The following ABLIM1 variants were observed in gnomAD, a reference collection of about 807,000 sequenced individuals.
ABLIM1 encodes actin-binding LIM protein 1.
Under a neutral mutation model 107.0 loss-of-function variants are expected in ABLIM1, and 40 were observed. The ratio of observed to expected loss-of-function variants is 0.37; its 90% CI spans 0.29 to 0.49. The LOEUF (loss-of-function observed/expected upper bound fraction) is 0.49, where lower values mean the gene tolerates loss of function less well. Ranked by LOEUF, ABLIM1 falls within the 20% of genes least tolerant of loss-of-function variation. The probability of loss-of-function intolerance (pLI) is 0.97; values close to 1 mark genes in which losing one functional copy is unlikely to be tolerated. For synonymous variants in ABLIM1, 357 were observed against 357.3 expected, an observed-to-expected ratio of 1.00 and a Z score of 0.01; for missense variants, 857 against 1,008.5, an observed-to-expected ratio of 0.85 and a Z score of 2.04.
intron 1 of ABLIM1, among the ~76,000 whole-genome samples, chr10:114,673,467 TC>T (rs1398046335): frequency 6.6e-6 from 1 of 152,174 alleles, no homozygotes; most frequent in Non-Finnish European, 1.5e-5. Context: ...TCTGAAGCCT[TC>T]CTCCTCATTC....
At chr10:114,460,421 T>G (rs1329279461) in intron 12 of ABLIM1, among the ~76,000 whole-genome samples, 1 of 152,072 alleles carries the variant, frequency 6.6e-6, no homozygotes, top group Non-Finnish European at 1.5e-5. Context: ...GTCAACATGG[T>G]GAAACCCCGT....
At chr10:114,547,570 G>A in intron 5 of ABLIM1, 80 bp downstream of exon 5, 1 of 1,575,926 alleles carries the variant, frequency 6.3e-7, no homozygotes, top group Non-Finnish European at 8.6e-7. Context: ...ATGGGGTGGG[G>A]CCCCTGAGAC....
chr10:114,774,972 G>A, the ABLIM1 span, among the ~76,000 whole-genome samples: 1 of 152,108 alleles, frequency 6.6e-6, no homozygotes, highest in South Asian at 2.1e-4. Context: ...CTGCTATAAC[G>A]ATACTACCTG....
At chr10:114,586,678 T>C (rs2139436590) in intron 2 of ABLIM1, among the ~76,000 whole-genome samples, 1 of 101,430 alleles carries the variant, frequency 9.9e-6, no homozygotes, top group East Asian at 2.1e-4. Flanking sequence ...CTATTCTATC[T>C]CTTTGGTTCA....
At chr10:114,485,425 C>T (rs1406460641) in intron 8 of ABLIM1, 5 of 1,492,532 alleles carry the variant, frequency 3.4e-6, no homozygotes, top group African/African-American at 1.4e-5. Flanking sequence ...ACAGAAATAG[C>T]CTCAAATCAG....
At chr10:114,793,344 TCTTGC>T in the ABLIM1 span, among the ~76,000 whole-genome samples, 1 of 151,916 alleles carries the variant, frequency 6.6e-6, no homozygotes, top group African/African-American at 2.4e-5. Context: ...TCCCTCACTC[TCTTGC>T]CTTGGCCATG....
chr10:114,533,239 G>C (rs1490662815), intron 6 of ABLIM1, among the ~76,000 whole-genome samples: 1 of 152,084 alleles, frequency 6.6e-6, no homozygotes, highest in African/African-American at 2.4e-5. Context: ...TATTTGGGAG[G>C]CTGAAGCAGG....
chr10:114,722,251 T>C (rs1238528454), intron 1 of ABLIM1, among the ~76,000 whole-genome samples: 4 of 152,122 alleles, frequency 2.6e-5, no homozygotes, highest in African/African-American at 4.8e-5. Flanking sequence ...CTTACAATTA[T>C]GGTGGAAGGC....
chr10:114,616,743 T>A (rs189763838), intron 1 of ABLIM1, among the ~76,000 whole-genome samples: 130 of 152,362 alleles, frequency 8.5e-4, no homozygotes, highest in African/African-American at 3.0e-3. Context: ...CACATTGTCC[T>A]GATTTTACTC....
chr10:114,755,018 C>T (rs1239433305), intron 1 of ABLIM1, among the ~76,000 whole-genome samples: 1 of 152,064 alleles, frequency 6.6e-6, no homozygotes, highest in Non-Finnish European at 1.5e-5. Context: ...GCCAGACTAC[C>T]CTAAGGAGTA....
intron 1 of ABLIM1, among the ~76,000 whole-genome samples, chr10:114,716,894 T>A (rs1292635013): frequency 6.6e-6 from 1 of 150,948 alleles, no homozygotes; most frequent in Non-Finnish European, 1.5e-5. Flanking sequence ...GAGAAACAGT[T>A]AGCTCCATTA....
rs1206716937 is a variant in ABLIM1, at chr10:114,452,353, AG to A, written c.1547-683del. 7.9e-5 allele frequency among the ~76,000 whole-genome samples: 12 copies of A among 152,094 alleles called. No homozygotes were observed. In the East Asian group the frequency reaches 1.9e-3, roughly 25 times the overall value. On this transcript the variant is annotated intron_variant, in intron 13 of 22. Transcript: ENST00000533213. ...CTATAAATACTCAGGAAATTTCAAA[AG>A]GTTTCTGTTTCCCCAGAACCGTGGG...
chr10:114,581,914 A>G (rs1591376146), intron 2 of ABLIM1, among the ~76,000 whole-genome samples: 1 of 152,272 alleles, frequency 6.6e-6, no homozygotes, highest in Non-Finnish European at 1.5e-5. Flanking sequence ...CACAGCCAAT[A>G]TCATACTGAA....
At chr10:114,746,769 T>G (rs776036670) in intron 1 of ABLIM1, among the ~76,000 whole-genome samples, 11 of 152,210 alleles carry the variant, frequency 7.2e-5, no homozygotes, top group Middle Eastern at 3.2e-3. Context: ...TGAGGTGATA[T>G]TTCATTGTAG....
At chr10:114,650,396 A>C (rs563690531) in intron 1 of ABLIM1, among the ~76,000 whole-genome samples, 1 of 152,352 alleles carries the variant, frequency 6.6e-6, no homozygotes, top group Admixed American at 6.5e-5. Context: ...CAATAAACTT[A>C]AACAGACTGC....
intron 1 of ABLIM1, among the ~76,000 whole-genome samples, chr10:114,657,099 T>C (rs1016485268): frequency 1.3e-5 from 2 of 152,240 alleles, no homozygotes; most frequent in Non-Finnish European, 2.9e-5. Context: ...GAAAGCTGAT[T>C]GCAACAAAAC....
intron 1 of ABLIM1, among the ~76,000 whole-genome samples, chr10:114,722,965 C>T (rs2081882148): frequency 1.3e-5 from 2 of 152,292 alleles, no homozygotes; most frequent in South Asian, 4.1e-4. Flanking sequence ...ATATAGCTCG[C>T]TTGCAGACTG....
chr10:114,666,725 C>T (rs938520314), intron 1 of ABLIM1, among the ~76,000 whole-genome samples: 1 of 152,076 alleles, frequency 6.6e-6, no homozygotes, highest in Non-Finnish European at 1.5e-5. Context: ...GTTCCTGGTA[C>T]ATAGAAAGGG....
At chr10:114,781,588 ATATG>A in the ABLIM1 span, among the ~76,000 whole-genome samples, 1 of 150,226 alleles carries the variant, frequency 6.7e-6, no homozygotes, top group African/African-American at 2.4e-5. Context: ...GTGTGTGTGA[ATATG>A]TGTGTATATA....
Sources: allele counts gnomAD v4.1 joint callset (sites outside exome capture counted in the v4.1 genomes callset), GRCh38; gene constraint gnomAD v4.1.1; transcripts MANE v1.5; gene names NCBI Gene and HGNC (gene_info 2026-07-23, HGNC 2026-07-21).